Variants in RELN observed in about 807,000 individuals in gnomAD.
The protein encoded by RELN is reelin.
Under a neutral mutation model 427.6 loss-of-function variants are expected in RELN, and 108 were observed. The observed-to-expected ratio is 0.25, with a 90% confidence interval of 0.22 to 0.30. The LOEUF (loss-of-function observed/expected upper bound fraction) is 0.30. Among genes scored for constraint, RELN ranks in the 10% least tolerant of loss-of-function variants. The pLI is 1.00. For missense variants in RELN, 3,715 were observed against 4,302.8 expected (o/e 0.86, Z 3.82); for synonymous variants, 1,524 against 1,513.4 (o/e 1.01, Z -0.16).
intron 4 of RELN, among the ~76,000 whole-genome samples, chr7:103,775,120 C>A (rs1791706025): frequency 6.6e-6 from 1 of 152,044 alleles, no homozygotes; most frequent in African/African-American, 2.4e-5. Context: ...TTAGACATTT[C>A]TTTTTCTGAC....
chr7:103,483,747 A>G lies in RELN; in HGVS notation c.10087T>C (p.Tyr3363His). 6.2e-7 allele frequency: 1 copy of G among 1,614,132 alleles called. No homozygotes were observed. The stretch of plus-strand genomic sequence containing the variant: ...CAGGTGATCCCGTTGTTGACGCTGT[A>G]TTGCAGCAGCACTGCCTTGTCCACA... ...HAVDKAVLLQ[Y>H]SVNNGITWHV... Residue 3363 changes from tyrosine to histidine, a missense_variant, in exon 62 of 65, where the codon TAC becomes CAC. Tyr to His is a moderately conservative substitution (Grantham distance 83). This residue lies in a region of RELN where 195 missense variants were observed against 281.3 expected (regional missense o/e 0.69). Coordinates refer to ENST00000428762, the MANE Select transcript of RELN (RefSeq NM_005045.4).
chr7:103,906,988 A>G (rs552055131), intron 2 of RELN, among the ~76,000 whole-genome samples: 1 of 152,288 alleles, frequency 6.6e-6, no homozygotes, highest in African/African-American at 2.4e-5. Context: ...ATTCCTTTTA[A>G]GAATCTGGTA....
chr7:103,907,143 C>T (rs942929977), intron 2 of RELN, among the ~76,000 whole-genome samples: 2 of 150,088 alleles, frequency 1.3e-5, no homozygotes, highest in East Asian at 4.0e-4. Flanking sequence ...CACAGCCAGG[C>T]GCGGTGGCTC....
intron 2 of RELN, among the ~76,000 whole-genome samples, chr7:103,862,818 G>A (rs776088446): frequency 6.6e-6 from 1 of 152,092 alleles, no homozygotes; most frequent in Non-Finnish European, 1.5e-5. Flanking sequence ...GGAGCAGATG[G>A]TCTAAAGGTT....
intron 2 of RELN, among the ~76,000 whole-genome samples, chr7:103,847,749 A>G (rs1793715478): frequency 6.6e-6 from 1 of 152,220 alleles, no homozygotes; most frequent in East Asian, 1.9e-4. Flanking sequence ...ACTCTCCTAC[A>G]TGGCTTGTAT....
chr7:103,780,676 T>C (rs1231104064), intron 3 of RELN, among the ~76,000 whole-genome samples: 1 of 152,210 alleles, frequency 6.6e-6, no homozygotes, highest in East Asian at 1.9e-4. Context: ...CCTATGTTAG[T>C]TTGCTAAGGA....
intron 2 of RELN, among the ~76,000 whole-genome samples, chr7:103,843,795 C>G (rs368377668): frequency 3.3e-5 from 5 of 152,198 alleles, no homozygotes; most frequent in East Asian, 3.9e-4. Context: ...TTTGACAATA[C>G]AGCATCCTTT....
rs1217380407 is a variant in RELN, at chr7:103,773,187, TTTTC to T, written c.544+3366_544+3369del. Among the ~76,000 whole-genome samples the T allele has an allele frequency of 1.3e-4, 16 of 127,676 alleles. 1 individual carries two copies. In the South Asian group the frequency reaches 1.4e-3, roughly 11 times the overall value. 83.8% of individuals were successfully genotyped at this position (127,676 alleles called of 152,430 possible). Reference sequence around the variant, plus strand: ...TTCTTTTTCTTTCTTTCCTTCTTTCTTTTCTTTCTTTCTCTCTCTCTCTCTCTCT... The same window carrying T: ...TTCTTTTTCTTTCTTTCCTTCTTTCTTTTCTTTCTCTCTCTCTCTCTCTCT... On this transcript the variant is annotated intron_variant, in intron 4 of 64. Transcript: ENST00000428762.
At position 103,682,204 on chromosome 7, in the gene RELN, A is replaced by C. The variant is rs199647053; in HGVS notation, c.1201T>G (p.Phe401Val). The C allele has an allele frequency of 6.2e-7, 1 of 1,613,884 alleles. No homozygotes were observed. Among genetic ancestry groups the C allele is most frequent in the African/African-American group, 1.3e-5 (1 of 74,994 alleles). Residue 401 changes from phenylalanine to valine, a missense_variant, in exon 11 of 65, where the codon TTC becomes GTC. This residue lies in a region of RELN where 2,208 missense variants were observed against 2,361.7 expected (regional missense o/e 0.93). Transcript: ENST00000428762. ...ACATCCCTGGTGGTGGCAAAATTGA[A>C]CTCGCTGCCTTCATTTCCATGGAAA... ...IYFHGNEGSE[F>V]NFATTRDVDL...
Position 103,630,135 on chromosome 7 carries a change from C to G in RELN, c.2507G>C (p.Gly836Ala). The G allele has an allele frequency of 6.2e-7, 1 of 1,613,432 alleles. No homozygotes were observed. Among genetic ancestry groups the G allele is most frequent in the Non-Finnish European group, 8.5e-7 (1 of 1,179,732 alleles). The change falls in exon 20 of 65, where the codon GGA becomes GCA. Residue 836 changes from glycine to alanine, a missense_variant. Coordinates refer to ENST00000428762, the MANE Select transcript of RELN (RefSeq NM_005045.4). ...VELPGDAKQF[G>A]IQFRWWQPYH... is the part of the protein sequence containing the mutation. ...CGGTTGCCACCATCTGAACTGAATT[C>G]CAAACTGCTTTGCATCACCTGGTAG... is the stretch of plus-strand genomic sequence containing the variant.
chr7:103,706,017 T>C (rs1264111294), intron 8 of RELN, among the ~76,000 whole-genome samples: 1 of 152,234 alleles, frequency 6.6e-6, no homozygotes, highest in African/African-American at 2.4e-5. Flanking sequence ...GGCTAAATTT[T>C]AAATTCATTA....
intron 1 of RELN, among the ~76,000 whole-genome samples, chr7:103,942,046 CACTAT>C (rs1796126002): frequency 6.6e-6 from 1 of 151,978 alleles, no homozygotes; most frequent in Non-Finnish European, 1.5e-5. Flanking sequence ...GTATTTTACA[CACTAT>C]ACATTTTCAT....
At chr7:103,776,121 T>C (rs1035414259) in intron 4 of RELN, among the ~76,000 whole-genome samples, 4 of 152,176 alleles carry the variant, frequency 2.6e-5, no homozygotes, top group Non-Finnish European at 4.4e-5. Flanking sequence ...AGTCCGAAAT[T>C]AATAGTGCAC....
chr7:103,710,136 G>A (rs1214478992), intron 8 of RELN, among the ~76,000 whole-genome samples: 2 of 152,166 alleles, frequency 1.3e-5, no homozygotes, highest in Non-Finnish European at 2.9e-5. Flanking sequence ...CGGCTTCATG[G>A]CCCTCACTTT....
At chr7:103,606,725 T>G (rs1332449164) in intron 22 of RELN, among the ~76,000 whole-genome samples, 2 of 152,220 alleles carry the variant, frequency 1.3e-5, no homozygotes, top group African/African-American at 4.8e-5. Flanking sequence ...AACAGTCACA[T>G]GCAGACACAT....
At chr7:103,860,485 T>C (rs931906212) in intron 2 of RELN, among the ~76,000 whole-genome samples, 1 of 152,108 alleles carries the variant, frequency 6.6e-6, no homozygotes, top group Admixed American at 6.5e-5. Flanking sequence ...GTAGTTTCAT[T>C]AGGCTAAAAA....
intron 8 of RELN, among the ~76,000 whole-genome samples, chr7:103,719,401 T>C (rs1185275070): frequency 6.6e-6 from 1 of 152,144 alleles, no homozygotes; most frequent in African/African-American, 2.4e-5. Flanking sequence ...ACTGCCACCC[T>C]GGGGACATAT....
intron 10 of RELN, among the ~76,000 whole-genome samples, chr7:103,694,467 A>AGATGATGATGAT (rs139140239): frequency 0.046 from 6,915 of 148,750 alleles, 176 homozygotes; most frequent in African/African-American, 0.065. Flanking sequence ...CAGTTAAATG[A>AGATGATGATGAT]GATGATGATG....
intron 5 of RELN, among the ~76,000 whole-genome samples, chr7:103,749,870 G>A (rs1397480606): frequency 6.6e-6 from 1 of 152,198 alleles, no homozygotes; most frequent in African/African-American, 2.4e-5. Context: ...TTGAATTGTA[G>A]TTCCCATAAT....
Sources: allele counts gnomAD v4.1 joint callset (sites outside exome capture counted in the v4.1 genomes callset), GRCh38; gene constraint gnomAD v4.1.1; regional missense constraint gnomAD v4.1.1; transcripts MANE v1.5; gene names NCBI Gene and HGNC (gene_info 2026-07-23, HGNC 2026-07-21).